The following KCNMB2 variants were observed in gnomAD, a reference collection of about 807,000 sequenced individuals.
The protein encoded by KCNMB2 is calcium-activated potassium channel subunit beta-2.
KCNMB2 carries 9 observed loss-of-function variants against 24.5 expected under a neutral mutation model. The ratio of observed to expected loss-of-function variants is 0.37; its 90% CI spans 0.22 to 0.64. The LOEUF is 0.64. Among genes scored for constraint, KCNMB2 ranks in the 30% least tolerant of loss-of-function variants. The pLI, the probability that KCNMB2 is intolerant of heterozygous loss-of-function variation, is 0.63. For missense variants in KCNMB2, 226 were observed against 284.3 expected, an observed-to-expected ratio of 0.79 and a Z score of 1.47; for synonymous variants, 109 against 104.4, an observed-to-expected ratio of 1.04 and a Z score of -0.27.
intron 2 of KCNMB2, among the ~76,000 whole-genome samples, chr3:178,819,440 C>T (rs1010206837): frequency 6.6e-6 from 1 of 152,096 alleles, no homozygotes; most frequent in African/African-American, 2.4e-5. Context: ...TCTCTCCGCC[C>T]CTCTGTCTTT....
intron 1 of KCNMB2, among the ~76,000 whole-genome samples, chr3:178,783,901 T>C (rs902427833): frequency 2.0e-5 from 3 of 152,208 alleles, no homozygotes; most frequent in Admixed American, 6.5e-5. Context: ...CCAGTTTTTG[T>C]CCATTCAGTA....
At chr3:178,606,972 C>T (rs549248962) in intron 1 of KCNMB2, among the ~76,000 whole-genome samples, 1 of 152,340 alleles carries the variant, frequency 6.6e-6, no homozygotes, top group African/African-American at 2.4e-5. Context: ...GACATTGAAT[C>T]TGCCAGCACT....
chr3:178,559,999 CTT>C (rs994186449), intron 1 of KCNMB2, among the ~76,000 whole-genome samples: 11 of 146,712 alleles, frequency 7.5e-5, no homozygotes, highest in Middle Eastern at 3.6e-3. Flanking sequence ...TTTATATACT[CTT>C]TTATGAATAC....
rs867272570 is a variant in KCNMB2 at position 178,757,413 on chromosome 3, T to C, written c.-67-49930T>C. ...ATATATGTATATATATCCAAGAGGA[T>C]ATATATATATGTATATATATCCAAG... On this transcript the variant is annotated intron_variant, in intron 1 of 4. Coordinates refer to ENST00000452583, the MANE Select transcript of KCNMB2 (RefSeq NM_181361.3). Among the ~76,000 whole-genome samples, 18 of 48,716 alleles carry C rather than the reference T, an allele frequency of 3.7e-4. 3 individuals carry two copies. Among genetic ancestry groups the C allele is most frequent in the Admixed American group, 1.3e-3 (5 of 3,894 alleles). 32.0% of individuals were successfully genotyped at this position (48,716 alleles called of 152,430 possible). A position where few individuals can be genotyped will look rare whatever the true frequency, so the allele number is the denominator to read the frequency against.
At position 178,664,431 on chromosome 3, in the gene KCNMB2, T is replaced by A. The variant is rs1448644617; in HGVS notation, c.-68+127720T>A. Among the ~76,000 whole-genome samples the A allele has an allele frequency of 5.9e-5, 9 of 152,172 alleles. No homozygotes were observed. The East Asian group carries it at 1.7e-3, about 29-fold the overall frequency. ...AATGACAGAGGGGATGATTCTAAAG[T>A]CAAACAACCTGGGCATGCACTCCTC... On this transcript the variant is annotated intron_variant, in intron 1 of 4. Transcript: ENST00000452583.
In KCNMB2 at chr3:178,757,946, T is replaced by TAC. The variant is rs1328744980; in HGVS notation, c.-67-49396_-67-49395insCA. 4.6e-5 allele frequency among the ~76,000 whole-genome samples: 4 copies of TAC among 87,674 alleles called. 2 individuals are homozygous for TAC. The highest frequency in any genetic ancestry group is 7.0e-4 in the South Asian group (2 of 2,840). 57.5% of individuals were successfully genotyped at this position (87,674 alleles called of 152,430 possible). A position where few individuals can be genotyped will look rare whatever the true frequency, so the allele number is the denominator to read the frequency against. Reference sequence around the variant, plus strand: ...GAGGATATATATATACACAAGGGGATATATAGACACAAGAGGATATATATA... The same window carrying TAC: ...GAGGATATATATATACACAAGGGGATACATATAGACACAAGAGGATATATATA... On this transcript the variant is annotated intron_variant, in intron 1 of 4. Coordinates refer to ENST00000452583, the MANE Select transcript of KCNMB2 (RefSeq NM_181361.3).
At chr3:178,614,911 T>C in intron 1 of KCNMB2, among the ~76,000 whole-genome samples, 1 of 152,202 alleles carries the variant, frequency 6.6e-6, no homozygotes, top group East Asian at 1.9e-4. Context: ...TAGTTGTCCT[T>C]CTTGAAAAGG....
intron 1 of KCNMB2, among the ~76,000 whole-genome samples, chr3:178,746,374 T>C (rs1353721266): frequency 6.6e-6 from 1 of 152,144 alleles, no homozygotes; most frequent in Non-Finnish European, 1.5e-5. Flanking sequence ...ACCAAGTTCC[T>C]AGGCTGCACA....
At chr3:178,826,326 T>G (rs1714832125) in intron 3 of KCNMB2, among the ~76,000 whole-genome samples, 1 of 152,156 alleles carries the variant, frequency 6.6e-6, no homozygotes, top group African/African-American at 2.4e-5. Flanking sequence ...TGGTCCGGAG[T>G]GGGACCCAGT....
chr3:178,795,457 T>G (rs936122315), intron 1 of KCNMB2, among the ~76,000 whole-genome samples: 1 of 152,234 alleles, frequency 6.6e-6, no homozygotes, highest in Non-Finnish European at 1.5e-5. Context: ...TTATCTGGGC[T>G]GGCCCAGGGT....
chr3:178,548,592 G>T (rs138095509), intron 1 of KCNMB2, among the ~76,000 whole-genome samples: 3 of 152,082 alleles, frequency 2.0e-5, no homozygotes, highest in Non-Finnish European at 2.9e-5. Flanking sequence ...TCCAGAAAAG[G>T]TCTCTTTCCC....
intron 1 of KCNMB2, among the ~76,000 whole-genome samples, chr3:178,711,785 A>G (rs9857084): frequency 0.27 from 41,665 of 152,098 alleles, 6,087 homozygotes; most frequent in East Asian, 0.45. Flanking sequence ...TGCCAGGCTT[A>G]ACGTAGTGCA....
At chr3:178,688,850 T>TC (rs1490315001) in intron 1 of KCNMB2, among the ~76,000 whole-genome samples, 1 of 152,208 alleles carries the variant, frequency 6.6e-6, no homozygotes, top group African/African-American at 2.4e-5. Context: ...GTAAACGTTC[T>TC]CATATTTCTA....
At chr3:178,820,958 T>G (rs996596189) in intron 2 of KCNMB2, among the ~76,000 whole-genome samples, 1 of 152,208 alleles carries the variant, frequency 6.6e-6, no homozygotes, top group Non-Finnish European at 1.5e-5. Context: ...AGACCTTAAA[T>G]ATGGTGCTTT....
chr3:178,751,605 A>AAAAAAAAC (rs1723853032), intron 1 of KCNMB2, among the ~76,000 whole-genome samples: 1 of 139,484 alleles, frequency 7.2e-6, no homozygotes. Flanking sequence ...AAAAAAAAAA[A>AAAAAAAAC]GCAGTTACAA....
At chr3:178,733,875 G>A (rs1435997782) in intron 1 of KCNMB2, among the ~76,000 whole-genome samples, 2 of 152,176 alleles carry the variant, frequency 1.3e-5, no homozygotes, top group South Asian at 2.1e-4. Flanking sequence ...GAAGAACATT[G>A]TAGTAATGCA....
At chr3:178,627,722 A>G (rs187412468) in intron 1 of KCNMB2, among the ~76,000 whole-genome samples, 14 of 152,180 alleles carry the variant, frequency 9.2e-5, no homozygotes, top group Admixed American at 2.0e-4. Flanking sequence ...CCTGTATTTT[A>G]TGCGCCATTT....
In KCNMB2 at chr3:178,828,241, C is replaced by T. The variant is rs755065068; in HGVS notation, c.291C>T (p.Cys97=). ...LNASITETFN[C]SFSCGPDCWK... The stretch of plus-strand genomic sequence containing the variant: ...CGTCCATCACGGAAACATTTAATTG[C>T]TCCTTCAGCTGTGGTCCAGACTGCT... Residue 97 remains cysteine (C), a synonymous_variant, in exon 4 of 5, where the codon TGC becomes TGT. Coordinates refer to ENST00000452583, the MANE Select transcript of KCNMB2 (RefSeq NM_181361.3). 3 of 1,613,946 alleles carry T rather than the reference C, an allele frequency of 1.9e-6. No homozygotes were observed. The highest frequency in any genetic ancestry group is 3.3e-5 in the Admixed American group (2 of 60,002).
chr3:178,701,851 A>T (rs923880046), intron 1 of KCNMB2, among the ~76,000 whole-genome samples: 38 of 152,158 alleles, frequency 2.5e-4, no homozygotes, highest in Non-Finnish European at 4.4e-4. Flanking sequence ...ATTGTGGAAG[A>T]CAGTGTGGTG....
Sources: gnomAD v4.1 joint callset for allele counts (sites outside exome capture counted in the v4.1 genomes callset) on GRCh38, gnomAD v4.1.1 for gene constraint, MANE v1.5 for transcripts, NCBI Gene and HGNC (gene_info 2026-07-23, HGNC 2026-07-21) for gene names.